The following DCAF6 variants were observed in gnomAD, a reference collection of about 807,000 sequenced individuals.
DCAF6 encodes the protein DDB1 and CUL4 associated factor 6, also known as DDB1- and CUL4-associated factor 6.
A neutral mutation model predicts 125.1 loss-of-function variants in DCAF6; 54 were observed. The observed-to-expected ratio is 0.43, with a 90% confidence interval of 0.35 to 0.54. The LOEUF is 0.54. DCAF6 is among the 20% of genes least tolerant of loss of function. DCAF6 has a pLI of 0.01. For synonymous variants in DCAF6, 371 were observed against 390.4 expected, an observed-to-expected ratio of 0.95 and a Z score of 0.58; for missense variants, 934 against 1,161.7, an observed-to-expected ratio of 0.80 and a Z score of 2.85.
chr1:167,898,607 T>A, the DCAF6 span, among the ~76,000 whole-genome samples: 6,488 of 94,894 alleles, frequency 0.068, 421 homozygotes, highest in African/African-American at 0.2. Context: ...TTTTTTTTTT[T>A]AAAAAAAGAA....
chr1:168,056,996 C>G (rs1452655262), intron 17 of DCAF6, among the ~76,000 whole-genome samples: 1 of 152,148 alleles, frequency 6.6e-6, no homozygotes, highest in Non-Finnish European at 1.5e-5. Context: ...GTATTCTATC[C>G]ATGGTACAGT....
chr1:167,935,117 T>A (rs928592463), upstream of DCAF6, among the ~76,000 whole-genome samples: 1 of 152,200 alleles, frequency 6.6e-6, no homozygotes, highest in Non-Finnish European at 1.5e-5. Flanking sequence ...GAGAATGATA[T>A]CCAGGTCTGT....
the DCAF6 span, among the ~76,000 whole-genome samples, chr1:167,895,065 C>T: frequency 6.6e-6 from 1 of 151,790 alleles, no homozygotes; most frequent in South Asian, 2.1e-4. Context: ...CTCTGTATTC[C>T]CAGCTACTCA....
At chr1:167,933,169 G>T (rs953342302), upstream of DCAF6, among the ~76,000 whole-genome samples, 14 of 139,258 alleles carry the variant, frequency 1.0e-4, no homozygotes, top group Non-Finnish European at 1.6e-4. Context: ...AAACACATTA[G>T]TTTTTTTTTT....
In DCAF6 at chr1:168,020,309, A is replaced by G. The variant is rs141556772; in HGVS notation, c.1550-2679A>G. ...TACAATATTACTGAGTAGAAAAACC[A>G]CATTTGAACCCAGGAAGTGTGGCTG... On this transcript the variant is annotated intron_variant, in intron 11 of 21. Coordinates refer to ENST00000367840, the MANE Select transcript of DCAF6 (RefSeq NM_001198956.2). 3.9e-5 allele frequency among the ~76,000 whole-genome samples: 6 copies of G among 152,330 alleles called. No homozygotes were observed. The East Asian group carries it at 5.8e-4, about 15-fold the overall frequency.
intron 2 of DCAF6, among the ~76,000 whole-genome samples, chr1:167,959,368 G>A (rs1475163925): frequency 1.3e-5 from 2 of 152,288 alleles, no homozygotes; most frequent in East Asian, 1.9e-4. Context: ...GTGCACATAC[G>A]TTTACGTTCG....
intron 3 of DCAF6, among the ~76,000 whole-genome samples, chr1:167,973,855 AT>A (rs934636834): frequency 2.6e-5 from 4 of 151,812 alleles, no homozygotes; most frequent in Non-Finnish European, 4.4e-5. Context: ...AATCTTTGAC[AT>A]TTTTTTTGGT....
the DCAF6 span, among the ~76,000 whole-genome samples, chr1:167,919,388 C>T: frequency 6.6e-6 from 1 of 152,164 alleles, no homozygotes; most frequent in African/African-American, 2.4e-5. Flanking sequence ...GCCAACCATA[C>T]CTCCTAGGTT....
At chr1:167,912,093 T>G in the DCAF6 span, among the ~76,000 whole-genome samples, 8 of 152,370 alleles carry the variant, frequency 5.3e-5, no homozygotes, top group East Asian at 9.6e-4. Context: ...ACAAAATGAT[T>G]AGTGATAGCT....
the DCAF6 span, among the ~76,000 whole-genome samples, chr1:167,909,100 T>C: frequency 1.1e-3 from 169 of 152,342 alleles, no homozygotes; most frequent in East Asian, 6.4e-3. Flanking sequence ...GTAACCTTTC[T>C]TATTTCTAAC....
chr1:167,936,699 C>CT lies in DCAF6; in HGVS notation c.-212dup. The CT allele has an allele frequency of 7.1e-6, 4 of 561,630 alleles. No homozygotes were observed. 34.8% of individuals were successfully genotyped at this position (561,630 alleles called of 1,614,324 possible). ...CTGATCTTTGGATGTTCTGGTTAGTCTAAGAAGGAGAGTATGAGGCGAGCT... is the reference window on the plus strand; with the variant it reads ...CTGATCTTTGGATGTTCTGGTTAGTCTTAAGAAGGAGAGTATGAGGCGAGCT... On this transcript the variant is annotated 5_prime_UTR_variant, in exon 1 of 22. An upstream open reading frame in the 5' UTR loses its in-frame stop. Transcript: ENST00000367840.
At chr1:167,891,632 G>T in the DCAF6 span, among the ~76,000 whole-genome samples, 1 of 149,710 alleles carries the variant, frequency 6.7e-6, no homozygotes, top group Non-Finnish European at 1.5e-5. Flanking sequence ...CTCCAGCCTG[G>T]GCGACAGAAT....
At position 167,991,274 on chromosome 1, in the gene DCAF6, C is replaced by T. The variant is rs746450901; in HGVS notation, c.623C>T (p.Ala208Val). The change falls in exon 6 of 22, where the codon GCT becomes GTT. Residue 208 changes from alanine to valine, a missense_variant. Around this residue, in one of 5 missense-constraint regions of DCAF6, gnomAD observed 309 missense variants for 381.2 expected, o/e 0.81. Coordinates refer to ENST00000367840, the MANE Select transcript of DCAF6 (RefSeq NM_001198956.2). ...TGCCCACCAATACCATATTACCTTGCTGTTGGTTGTTCTGACAGCTCAGTA... is the reference window on the plus strand; with the variant it reads ...TGCCCACCAATACCATATTACCTTGTTGTTGGTTGTTCTGACAGCTCAGTA... ...AICPPIPYYLAVGCSDSSVRI... is the reference protein window; with the variant it reads ...AICPPIPYYLVVGCSDSSVRI... 3 of 1,613,516 alleles carry T rather than the reference C, an allele frequency of 1.9e-6. No homozygotes were observed. The highest frequency in any genetic ancestry group is 2.5e-6 in the Non-Finnish European group (3 of 1,179,842).
chr1:167,932,623 ACATGGGGAAACCC>A (rs1459487032), upstream of DCAF6, among the ~76,000 whole-genome samples: 2 of 152,150 alleles, frequency 1.3e-5, no homozygotes, highest in Non-Finnish European at 2.9e-5. Flanking sequence ...AGCCTGGCCA[ACATGGGGAAACCC>A]CATCTCTACT....
intron 17 of DCAF6, among the ~76,000 whole-genome samples, chr1:168,053,324 C>A (rs1690196326): frequency 6.6e-6 from 1 of 152,114 alleles, no homozygotes; most frequent in African/African-American, 2.4e-5. Flanking sequence ...GGCAAAGACA[C>A]CTTTTTGTCA....
At position 168,002,577 on chromosome 1, in the gene DCAF6, T is replaced by C; in HGVS notation, c.997+2T>C. On this transcript the variant is annotated splice_donor_variant, in intron 8 of 21. Coordinates refer to ENST00000367840, the MANE Select transcript of DCAF6 (RefSeq NM_001198956.2). LOFTEE classifies it high-confidence loss of function. ...CGGAGAGTGAACGAGAACGAGATGG[T>C]AACTATACTTTGGTCAGCTTTTCTT... 6.2e-7 allele frequency: 1 copy of C among 1,610,936 alleles called. No individual in the cohort carries two copies. The highest frequency in any genetic ancestry group is 8.5e-7 in the Non-Finnish European group (1 of 1,177,718).
intron 1 of DCAF6, among the ~76,000 whole-genome samples, chr1:167,937,832 T>A (rs1671558466): frequency 6.6e-6 from 1 of 152,200 alleles, no homozygotes. Flanking sequence ...AAAGGTCTTT[T>A]TTGTTTCTTC....
At chr1:167,905,088 G>A in the DCAF6 span, 2 of 1,614,210 alleles carry the variant, frequency 1.2e-6, no homozygotes, top group African/African-American at 1.3e-5. Context: ...TGGTAAATGA[G>A]CTGCTATTCT....
At chr1:167,863,730 G>A in the DCAF6 span, among the ~76,000 whole-genome samples, 7 of 152,338 alleles carry the variant, frequency 4.6e-5, no homozygotes, top group South Asian at 6.2e-4. Flanking sequence ...CATTTGCCCC[G>A]GTGGGACACC....
Sources: allele counts gnomAD v4.1 joint callset (sites outside exome capture counted in the v4.1 genomes callset), GRCh38; gene constraint gnomAD v4.1.1; regional missense constraint gnomAD v4.1.1; transcripts MANE v1.5; gene names NCBI Gene and HGNC (gene_info 2026-07-23, HGNC 2026-07-21).